Variants in ARMC3 observed in about 807,000 individuals in gnomAD.
The protein encoded by ARMC3 is armadillo repeat-containing protein 3.
A neutral mutation model predicts 90.3 loss-of-function variants in ARMC3; 74 were observed. The ratio of observed to expected loss-of-function variants is 0.82; its 90% CI spans 0.68 to 0.99. ARMC3 has a LOEUF of 0.99. ARMC3 is among the 50% of genes least tolerant of loss of function. The probability of loss-of-function intolerance (pLI) is 0.00; values close to 1 mark genes in which losing one functional copy is unlikely to be tolerated. For synonymous variants in ARMC3, 334 were observed against 361.8 expected (o/e 0.92, Z 0.87); for missense variants, 958 against 1,042.8 (o/e 0.92, Z 1.12).
At chr10:23,033,446 G>A (rs1477278962) in intron 18 of ARMC3, among the ~76,000 whole-genome samples, 1 of 152,130 alleles carries the variant, frequency 6.6e-6, no homozygotes, top group East Asian at 1.9e-4. Context: ...ATGAGAGGCT[G>A]CACAGGGTTT....
chr10:22,973,749 C>CT, intron 8 of ARMC3, among the ~76,000 whole-genome samples: 1 of 109,656 alleles, frequency 9.1e-6, no homozygotes, highest in Non-Finnish European at 1.9e-5. Flanking sequence ...TTTTCTTTGT[C>CT]TTTCTTTTTT....
chr10:22,966,559 A>G (rs1588855458), intron 7 of ARMC3, among the ~76,000 whole-genome samples: 1 of 152,218 alleles, frequency 6.6e-6, no homozygotes, highest in East Asian at 1.9e-4. Context: ...AAATAGAACC[A>G]ACAGGATGCA....
intron 10 of ARMC3, among the ~76,000 whole-genome samples, chr10:22,984,863 T>C (rs1148304): frequency 0.99 from 150,743 of 151,652 alleles, 74,925 homozygotes; most frequent in East Asian, 1. Context: ...TTCTAAAATC[T>C]TTCCTTCTCA....
At chr10:22,959,621 A>G (rs1050234988) in intron 6 of ARMC3, 47 bp downstream of exon 6, 5 of 1,522,358 alleles carry the variant, frequency 3.3e-6, no homozygotes, top group Admixed American at 2.3e-5. Flanking sequence ...TCATTTTAGA[A>G]TTTATTTTCC....
Position 22,981,599 on chromosome 10 carries a change from T to C in ARMC3, c.1074T>C (p.Ile358=). Residue 358 remains isoleucine, a synonymous_variant, in exon 10 of 19, where the codon ATT becomes ATC. Transcript: ENST00000298032. ...GSKDFFNNQG[I]PQLIQLLKSD... is the part of the protein sequence containing the mutation. ...TTTACCTTTCTCTTTCTGTAGGGAT[T>C]CCACAGTTAATTCAGTTGCTAAAAA... 1 of 1,614,144 alleles carries C rather than the reference T, an allele frequency of 6.2e-7. No homozygotes were observed. Among genetic ancestry groups the C allele is most frequent in the Non-Finnish European group, 8.5e-7 (1 of 1,179,994 alleles).
intron 16 of ARMC3, among the ~76,000 whole-genome samples, chr10:23,017,194 C>T (rs1269232225): frequency 6.6e-6 from 1 of 151,900 alleles, no homozygotes; most frequent in Admixed American, 6.6e-5. Context: ...ACATGATTAA[C>T]CTCTCTCTTT....
At chr10:22,988,548 A>T (rs1045051126) in intron 10 of ARMC3, among the ~76,000 whole-genome samples, 2 of 152,158 alleles carry the variant, frequency 1.3e-5, no homozygotes, top group African/African-American at 4.8e-5. Context: ...TATTCTATTG[A>T]TTTTAGGCTA....
chr10:23,016,732 C>T (rs570905658), intron 16 of ARMC3, among the ~76,000 whole-genome samples: 53 of 152,248 alleles, frequency 3.5e-4, no homozygotes, highest in African/African-American at 1.3e-3. Context: ...CAGGAGTTCC[C>T]GGAAATTCTC....
At chr10:22,980,463 A>G (rs2131333586) in intron 8 of ARMC3, among the ~76,000 whole-genome samples, 1 of 152,178 alleles carries the variant, frequency 6.6e-6, no homozygotes, top group South Asian at 2.1e-4. Flanking sequence ...TATTTTTTCT[A>G]GAACATACTT....
chr10:22,972,186 T>C (rs1835709649), intron 8 of ARMC3, among the ~76,000 whole-genome samples: 1 of 152,218 alleles, frequency 6.6e-6, no homozygotes, highest in South Asian at 2.1e-4. Flanking sequence ...AAGTTTTAAA[T>C]TGTGGTGCAT....
intron 2 of ARMC3, among the ~76,000 whole-genome samples, chr10:22,936,067 A>G (rs1253057286): frequency 6.6e-6 from 1 of 152,218 alleles, no homozygotes; most frequent in Non-Finnish European, 1.5e-5. Flanking sequence ...CACTGAGGTC[A>G]TCTTCATAAT....
Position 22,935,660 on chromosome 10 carries a change from A to G in ARMC3, c.48+3616A>G, listed in dbSNP as rs1051358833. ...TTTTCCCATCTTTCTCCCTCCTGAC[A>G]GCTAAACACTATGAATTAATAAAAA... On this transcript the variant is annotated intron_variant, in intron 2 of 18. Coordinates refer to ENST00000298032, the MANE Select transcript of ARMC3 (RefSeq NM_173081.5). Among the ~76,000 whole-genome samples, 4 of 152,214 alleles carry G rather than the reference A, an allele frequency of 2.6e-5. No individual in the cohort carries two copies. In the East Asian group the frequency reaches 7.7e-4, roughly 29 times the overall value.
intron 1 of ARMC3, among the ~76,000 whole-genome samples, chr10:22,928,485 A>C (rs1833800968): frequency 6.6e-6 from 1 of 152,216 alleles, no homozygotes; most frequent in Non-Finnish European, 1.5e-5. Context: ...ACGTTCACGA[A>C]GAACAAATAC....
intron 16 of ARMC3, among the ~76,000 whole-genome samples, chr10:23,025,242 C>T (rs1327664638): frequency 6.6e-6 from 1 of 152,036 alleles, no homozygotes; most frequent in African/African-American, 2.4e-5. Flanking sequence ...TCAGCAACAG[C>T]AGCAACCAAC....
In ARMC3 at chr10:23,003,260, T is replaced by C; in HGVS notation, c.1577T>C (p.Leu526Pro). ...TTTATTGACAGGGCTTTAGATATCC[T>C]TGAAGAAGTTAACGTATCAGGAACT... Reference protein sequence around the residue: ...ELCRLGALDILEEVNVSGTRK... With the variant: ...ELCRLGALDIPEEVNVSGTRK... Residue 526 changes from leucine to proline, a missense_variant, in exon 13 of 19, where the codon CTT becomes CCT. Physicochemically the swap from Leu to Pro is moderately conservative, Grantham distance 98. Coordinates refer to ENST00000298032, the MANE Select transcript of ARMC3 (RefSeq NM_173081.5). The C allele has an allele frequency of 4.3e-6, 7 of 1,612,618 alleles. No homozygotes were observed. The highest frequency in any genetic ancestry group is 5.9e-6 in the Non-Finnish European group (7 of 1,179,568).
chr10:22,973,753 C>CTTTTTTTTTTTT lies in ARMC3; in HGVS notation c.916+5276_916+5287dup, dbSNP rs56405413. 1.1e-3 allele frequency among the ~76,000 whole-genome samples: 88 copies of CTTTTTTTTTTTT among 79,922 alleles called. 2 individuals carry two copies. Among genetic ancestry groups the CTTTTTTTTTTTT allele is most frequent in the African/African-American group, 1.9e-3 (34 of 17,726 alleles). 52.4% of individuals were successfully genotyped at this position (79,922 alleles called of 152,430 possible). A position where few individuals can be genotyped will look rare whatever the true frequency, so the allele number is the denominator to read the frequency against. ...CTCTTGTAATTTTTTCTTTGTCTTT[C>CTTTTTTTTTTTT]TTTTTTTTTTTTTTTTTTTTTTTGA... On this transcript the variant is annotated intron_variant, in intron 8 of 18. Coordinates refer to ENST00000298032, the MANE Select transcript of ARMC3 (RefSeq NM_173081.5).
intron 16 of ARMC3, among the ~76,000 whole-genome samples, chr10:23,019,279 G>A (rs1465315338): frequency 6.6e-6 from 1 of 152,164 alleles, no homozygotes; most frequent in Non-Finnish European, 1.5e-5. Flanking sequence ...TGCAGAAAGT[G>A]AGTAAAGACA....
At position 22,998,365 on chromosome 10, in the gene ARMC3, G is replaced by A. The variant is rs375026207; in HGVS notation, c.1393G>A (p.Ala465Thr). 3.2e-5 allele frequency: 51 copies of A among 1,613,946 alleles called. No individual in the cohort carries two copies. The East Asian group carries it at 7.1e-4, about 23-fold the overall frequency. ...VQSKAALAVT[A>T]TACDVEARTE... Reference sequence around the variant, plus strand: ...GAGCAAAGCTGCTCTCGCTGTCACCGCAACTGCGTGTGACGTTGAAGCCCG... The same window carrying A: ...GAGCAAAGCTGCTCTCGCTGTCACCACAACTGCGTGTGACGTTGAAGCCCG... The change falls in exon 11 of 19, where the codon GCA becomes ACA. Residue 465 changes from alanine to threonine, a missense_variant. Ala to Thr is a moderately conservative substitution (Grantham distance 58). Transcript: ENST00000298032.
chr10:23,008,313 G>A lies in ARMC3; in HGVS notation c.1867G>A (p.Gly623Ser). The A allele has an allele frequency of 6.4e-7, 1 of 1,556,708 alleles. No individual in the cohort carries two copies. The highest frequency in any genetic ancestry group is 8.8e-7 in the Non-Finnish European group (1 of 1,141,176). ...PSSMEDKSDV[G>S]YGRSISSSSS... ...ATCTATGGAAGATAAATCAGATGTT[G>A]GTTATGGACGAAGTATTTCTTCTTC... The change falls in exon 15 of 19, where the codon GGT (glycine) becomes AGT (serine). Residue 623 changes from glycine (G) to serine (S), a missense_variant. Transcript: ENST00000298032.
Sources: gnomAD v4.1 joint callset for allele counts (sites outside exome capture counted in the v4.1 genomes callset) on GRCh38, gnomAD v4.1.1 for gene constraint, MANE v1.5 for transcripts, NCBI Gene and HGNC (gene_info 2026-07-23, HGNC 2026-07-21) for gene names.